ASIC2: variants seen among roughly 807,000 people sequenced by gnomAD.
ASIC2 encodes the protein acid-sensing ion channel 2.
A neutral mutation model predicts 57.3 loss-of-function variants in ASIC2; 25 were observed. The ratio of observed to expected loss-of-function variants is 0.44; its 90% CI spans 0.32 to 0.61. The LOEUF (loss-of-function observed/expected upper bound fraction) is 0.61. Among genes scored for constraint, ASIC2 ranks in the 20% least tolerant of loss-of-function variants. The pLI, the probability that ASIC2 is intolerant of heterozygous loss-of-function variation, is 0.06. For synonymous variants in ASIC2, 319 were observed against 307.5 expected (o/e 1.04, Z -0.39); for missense variants, 641 against 738.1 (o/e 0.87, Z 1.52).
chr17:33,259,835 C>T (rs183101652), intron 1 of ASIC2, among the ~76,000 whole-genome samples: 8 of 152,228 alleles, frequency 5.3e-5, no homozygotes, highest in Admixed American at 2.0e-4. Flanking sequence ...GGCTCTAACC[C>T]GAGAATGCTC....
chr17:33,974,895 C>T (rs1905330647), intron 1 of ASIC2, among the ~76,000 whole-genome samples: 1 of 152,104 alleles, frequency 6.6e-6, no homozygotes, highest in African/African-American at 2.4e-5. Context: ...TCAGCTTTTC[C>T]TGTCTTCCTC....
intron 9 of ASIC2, among the ~76,000 whole-genome samples, chr17:33,014,893 TC>T (rs932204679): frequency 2.6e-4 from 39 of 152,276 alleles, no homozygotes; most frequent in African/African-American, 9.4e-4. Context: ...CTCACTGAAC[TC>T]GGATGACAGC....
At chr17:33,359,009 G>A (rs1259594359) in intron 1 of ASIC2, among the ~76,000 whole-genome samples, 1 of 152,174 alleles carries the variant, frequency 6.6e-6, no homozygotes, top group Non-Finnish European at 1.5e-5. Flanking sequence ...TAAGAAGGTG[G>A]GGAGCCTCTT....
intron 1 of ASIC2, among the ~76,000 whole-genome samples, chr17:33,191,882 A>T (rs116045111): frequency 0.011 from 1,684 of 152,298 alleles, 20 homozygotes; most frequent in African/African-American, 0.027. Flanking sequence ...GAATTGTGCT[A>T]CATGCCTTTT....
intron 1 of ASIC2, among the ~76,000 whole-genome samples, chr17:33,343,990 T>C (rs906783252): frequency 6.6e-6 from 1 of 152,170 alleles, no homozygotes; most frequent in Non-Finnish European, 1.5e-5. Flanking sequence ...TTCGAAGCCT[T>C]CCCAGATACC....
intron 1 of ASIC2, among the ~76,000 whole-genome samples, chr17:33,900,948 T>G (rs12601967): frequency 6.6e-6 from 1 of 152,176 alleles, no homozygotes; most frequent in South Asian, 2.1e-4. Flanking sequence ...GGGAGACAGG[T>G]TCACAGCTTC....
chr17:33,758,040 G>A (rs1302699117), intron 1 of ASIC2, among the ~76,000 whole-genome samples: 1 of 152,196 alleles, frequency 6.6e-6, no homozygotes, highest in Admixed American at 6.5e-5. Flanking sequence ...TCCAATTCTT[G>A]CTTATTTGGT....
rs576970089 is a variant in ASIC2 at position 33,388,831 on chromosome 17, C to T, written c.556-276764G>A. Among the ~76,000 whole-genome samples, 12 of 152,344 alleles carry T rather than the reference C, an allele frequency of 7.9e-5. 1 individual carries two copies. In the East Asian group the frequency reaches 1.9e-3, roughly 24 times the overall value. Reference sequence around the variant, plus strand: ...CACAAAGTCCAAGGCAGTGTGGCTGCACTCCCTGTGGTAACCCAGCAATCC... The same window carrying T: ...CACAAAGTCCAAGGCAGTGTGGCTGTACTCCCTGTGGTAACCCAGCAATCC... On this transcript the variant is annotated intron_variant, in intron 1 of 9. Coordinates refer to the ASIC2 transcript ENST00000359872.
At chr17:34,081,487 G>A (rs1598013503) in intron 1 of ASIC2, among the ~76,000 whole-genome samples, 1 of 152,294 alleles carries the variant, frequency 6.6e-6, no homozygotes, top group East Asian at 1.9e-4. Context: ...GATGGTGCTG[G>A]AAAGAGCTTT....
chr17:33,100,405 C>T (rs76011594), intron 2 of ASIC2: 2,630 of 152,600 alleles, frequency 0.017, 50 homozygotes, highest in Admixed American at 0.046. Flanking sequence ...AACTCCCACA[C>T]GCTGCCCAGC....
intron 1 of ASIC2, among the ~76,000 whole-genome samples, chr17:34,060,991 C>T (rs752284255): frequency 8.5e-5 from 13 of 152,092 alleles, no homozygotes; most frequent in Non-Finnish European, 1.3e-4. Context: ...ACAAGAATAA[C>T]AAAGAACACC....
At chr17:33,136,191 A>T (rs2092366425) in intron 1 of ASIC2, among the ~76,000 whole-genome samples, 1 of 152,224 alleles carries the variant, frequency 6.6e-6, no homozygotes, top group Non-Finnish European at 1.5e-5. Flanking sequence ...TTTGCTATAT[A>T]TAAAAGTGCA....
chr17:33,920,084 C>T (rs967381181), intron 1 of ASIC2, among the ~76,000 whole-genome samples: 2 of 152,194 alleles, frequency 1.3e-5, no homozygotes, highest in Non-Finnish European at 2.9e-5. Flanking sequence ...AATATAAATT[C>T]GTTCAGCCAC....
At chr17:34,144,764 C>T (rs1012218695) in intron 1 of ASIC2, among the ~76,000 whole-genome samples, 1 of 152,286 alleles carries the variant, frequency 6.6e-6, no homozygotes, top group African/African-American at 2.4e-5. Flanking sequence ...CAAAATACCT[C>T]ATTATGTTAT....
Position 34,057,794 on chromosome 17 carries a change from G to A in ASIC2, c.555+98184C>T, listed in dbSNP as rs1380956237. Among the ~76,000 whole-genome samples, 3 of 152,308 alleles carry A rather than the reference G, an allele frequency of 2.0e-5. 1 individual carries two copies. The highest frequency in any genetic ancestry group is 4.8e-5 in the African/African-American group (2 of 41,572). On this transcript the variant is annotated intron_variant, in intron 1 of 9. Coordinates refer to the ASIC2 transcript ENST00000359872. ...GAGAGAGTGCATGTAGCTGAAAATA[G>A]AAACCTCATAATGTACCTGTGCAGG...
At chr17:33,661,999 A>G (rs1907283611) in intron 1 of ASIC2, among the ~76,000 whole-genome samples, 1 of 152,214 alleles carries the variant, frequency 6.6e-6, no homozygotes, top group South Asian at 2.1e-4. Flanking sequence ...TTGGGAGGGA[A>G]GAATGAGACC....
rs1910662221 is a variant in ASIC2, at chr17:34,099,115, AGAGAGAGAGAGAGAGAGAG to A, written c.555+56844_555+56862del. Among the ~76,000 whole-genome samples, 33 of 29,620 alleles carry A rather than the reference AGAGAGAGAGAGAGAGAGAG, an allele frequency of 1.1e-3. 1 individual carries two copies. The highest frequency in any genetic ancestry group is 7.4e-3 in the East Asian group (12 of 1,626). 19.4% of individuals were successfully genotyped at this position (29,620 alleles called of 152,430 possible). On this transcript the variant is annotated intron_variant, in intron 1 of 9. Coordinates refer to the ASIC2 transcript ENST00000359872. The stretch of plus-strand genomic sequence containing the variant: ...ATTAAGAGAGAAAAGAGAGAGAGAG[AGAGAGAGAGAGAGAGAGAG>A]AGAGAGAGAGACAGAGAGAGAGAGA...
intron 1 of ASIC2, among the ~76,000 whole-genome samples, chr17:33,763,640 G>T (rs1910850572): frequency 6.6e-6 from 1 of 152,200 alleles, no homozygotes; most frequent in Admixed American, 6.5e-5. Flanking sequence ...CTACTGTGCA[G>T]AAGTTTTAGG....
At chr17:34,058,250 C>T (rs906159120) in intron 1 of ASIC2, among the ~76,000 whole-genome samples, 3 of 152,178 alleles carry the variant, frequency 2.0e-5, no homozygotes, top group Non-Finnish European at 2.9e-5. Context: ...GATGCACCTC[C>T]GAGTTTTCTT....
Sources: allele counts gnomAD v4.1 joint callset (sites outside exome capture counted in the v4.1 genomes callset), GRCh38; gene constraint gnomAD v4.1.1; transcripts MANE v1.5; gene names NCBI Gene and HGNC (gene_info 2026-07-23, HGNC 2026-07-21).